KAZN: variants seen among roughly 807,000 people sequenced by gnomAD.
KAZN encodes the protein kazrin.
KAZN carries 40 observed loss-of-function variants against 87.4 expected under a neutral mutation model. The observed-to-expected ratio is 0.46, with a 90% CI of 0.36 to 0.60. KAZN has a LOEUF of 0.60. Ranked by LOEUF, KAZN falls within the 20% of genes least tolerant of loss-of-function variation. The probability of loss-of-function intolerance (pLI) is 0.00; values close to 1 mark genes in which losing one functional copy is unlikely to be tolerated. For synonymous variants in KAZN, 466 were observed against 458.3 expected (o/e 1.02, Z -0.22); for missense variants, 898 against 1,073.9 (o/e 0.84, Z 2.29).
intron 2 of KAZN, among the ~76,000 whole-genome samples, chr1:14,366,185 A>C (rs1659981140): frequency 6.6e-6 from 1 of 152,250 alleles, no homozygotes; most frequent in Non-Finnish European, 1.5e-5. Context: ...AGCAGAGAAG[A>C]TATTCATAAA....
Position 14,790,079 on chromosome 1 carries a change from C to T in KAZN, c.227-170605C>T, listed in dbSNP as rs1040542707. Among the ~76,000 whole-genome samples the T allele has an allele frequency of 6.6e-5, 10 of 151,870 alleles. No individual in the cohort carries two copies. In the South Asian group the frequency reaches 1.0e-3, roughly 16 times the overall value. Reference sequence around the variant, plus strand: ...GTGCAATGGCGCAATCTTGACTCACCGCAACCTCCGCCTCCCAGGTTCAAG... The same window carrying T: ...GTGCAATGGCGCAATCTTGACTCACTGCAACCTCCGCCTCCCAGGTTCAAG... On this transcript the variant is annotated intron_variant, in intron 1 of 14. Coordinates refer to ENST00000376030, the MANE Select transcript of KAZN (RefSeq NM_201628.3).
chr1:14,986,002 C>CAAAAA (rs56725513), intron 2 of KAZN, among the ~76,000 whole-genome samples: 6,988 of 56,552 alleles, frequency 0.12, 412 homozygotes, highest in Non-Finnish European at 0.16. Context: ...GACTCTGTCT[C>CAAAAA]AAAAAAAAAA....
At chr1:14,665,622 G>A (rs1273020366) in intron 1 of KAZN, among the ~76,000 whole-genome samples, 1 of 152,054 alleles carries the variant, frequency 6.6e-6, no homozygotes, top group Non-Finnish European at 1.5e-5. Flanking sequence ...CTGGAATCAG[G>A]GCCAGAACCT....
intron 1 of KAZN, among the ~76,000 whole-genome samples, chr1:14,620,502 G>C (rs1311563997): frequency 6.6e-6 from 1 of 152,178 alleles, no homozygotes. Context: ...AGATTCCAGG[G>C]CTCGGCCAGG....
chr1:14,221,267 A>G (rs1441907866), intron 2 of KAZN, among the ~76,000 whole-genome samples: 1 of 152,162 alleles, frequency 6.6e-6, no homozygotes, highest in Non-Finnish European at 1.5e-5. Flanking sequence ...AAAGGTAAGT[A>G]TTGAATTCTA....
chr1:14,832,086 C>T (rs1342498250), intron 1 of KAZN, among the ~76,000 whole-genome samples: 2 of 151,950 alleles, frequency 1.3e-5, no homozygotes, highest in Non-Finnish European at 2.9e-5. Context: ...ATCCCAGCTA[C>T]TTGAGAGGCT....
At chr1:14,200,024 T>C (rs1336045888) in intron 2 of KAZN, among the ~76,000 whole-genome samples, 2 of 152,110 alleles carry the variant, frequency 1.3e-5, no homozygotes, top group African/African-American at 2.4e-5. Context: ...GTATCACAGA[T>C]AAAAGTAGTT....
In KAZN at chr1:14,476,939, G is replaced by A. The variant is rs558431025; in HGVS notation, c.250-122044G>A. Among the ~76,000 whole-genome samples, 17 of 152,266 alleles carry A rather than the reference G, an allele frequency of 1.1e-4. 1 individual carries two copies. In the South Asian group the frequency reaches 3.1e-3, roughly 28 times the overall value. ...TTGCACCTCATGTTCCCTCTGCCTAGAGTGTTCTTCCTGAATACCTGTGCC... is the reference window on the plus strand; with the variant it reads ...TTGCACCTCATGTTCCCTCTGCCTAAAGTGTTCTTCCTGAATACCTGTGCC... On this transcript the variant is annotated intron_variant, in intron 2 of 16. Transcript: ENST00000636203.
At chr1:13,974,925 C>T (rs555506186) in intron 1 of KAZN, among the ~76,000 whole-genome samples, 7 of 152,258 alleles carry the variant, frequency 4.6e-5, no homozygotes, top group South Asian at 4.2e-4. Flanking sequence ...TTTTTATATC[C>T]GCCCTTTCCC....
intron 2 of KAZN, among the ~76,000 whole-genome samples, chr1:14,267,083 A>AT (rs35943771): frequency 0.24 from 33,869 of 141,920 alleles, 4,556 homozygotes; most frequent in Middle Eastern, 0.41. Flanking sequence ...ATGTTCCCAA[A>AT]TTTTTTTTTC....
intron 1 of KAZN, among the ~76,000 whole-genome samples, chr1:14,022,036 A>T (rs572563408): frequency 7.2e-6 from 1 of 138,528 alleles, no homozygotes; most frequent in East Asian, 2.1e-4. Flanking sequence ...ATAAGCACTG[A>T]TGTCAGCCGG....
intron 1 of KAZN, among the ~76,000 whole-genome samples, chr1:14,831,474 G>A (rs1413467023): frequency 6.6e-6 from 1 of 152,180 alleles, no homozygotes; most frequent in Non-Finnish European, 1.5e-5. Context: ...AAAGAAAAAT[G>A]TCGAAGTTTC....
intron 1 of KAZN, among the ~76,000 whole-genome samples, chr1:13,982,157 A>G (rs6672889): frequency 0.9 from 137,427 of 152,254 alleles, 62,305 homozygotes; most frequent in African/African-American, 0.95. Flanking sequence ...GCAGGGAAGG[A>G]CATCCTGGGC....
chr1:14,790,371 C>T (rs1378205348), intron 1 of KAZN, among the ~76,000 whole-genome samples: 1 of 152,030 alleles, frequency 6.6e-6, no homozygotes, highest in African/African-American at 2.4e-5. Flanking sequence ...GCTTTTTCCA[C>T]TTTTCTTATT....
intron 2 of KAZN, chr1:14,304,661 C>T: frequency 5.0e-6 from 2 of 398,452 alleles, no homozygotes; most frequent in Non-Finnish European, 8.9e-6. Context: ...GCTTCTGAAA[C>T]CGGTGAGCTT....
intron 1 of KAZN, among the ~76,000 whole-genome samples, chr1:14,881,688 C>T (rs1572717329): frequency 6.6e-6 from 1 of 152,268 alleles, no homozygotes; most frequent in Non-Finnish European, 1.5e-5. Context: ...GTTCTGGTGT[C>T]AAATCACCTG....
chr1:14,579,260 G>A (rs1349302528), intron 2 of KAZN, among the ~76,000 whole-genome samples: 1 of 152,164 alleles, frequency 6.6e-6, no homozygotes. Context: ...GAGATAAAAT[G>A]AGAGGAGAAA....
intron 1 of KAZN, among the ~76,000 whole-genome samples, chr1:14,134,965 ACCCG>A: frequency 1.7e-5 from 1 of 59,272 alleles, no homozygotes; most frequent in Non-Finnish European, 3.0e-5. Context: ...ATGCATATGC[ACCCG>A]CACACACACA....
chr1:14,856,320 C>T lies in KAZN; in HGVS notation c.227-104364C>T, dbSNP rs1383766514. ...TTTATGGGTACCTATGCATTCATGC[C>T]TAAGTGTGAGCTTGAACTGTACCAA... On this transcript the variant is annotated intron_variant, in intron 1 of 14. Coordinates refer to ENST00000376030, the MANE Select transcript of KAZN (RefSeq NM_201628.3). This position sits in a 1 kb window ranked among gnomAD's most constrained non-coding sequence, Gnocchi z 5.2. Among the ~76,000 whole-genome samples, 1 of 152,068 alleles carries T rather than the reference C, an allele frequency of 6.6e-6. No individual in the cohort carries two copies. Among genetic ancestry groups the T allele is most frequent in the East Asian group, 1.9e-4 (1 of 5,192 alleles).
Sources: allele counts gnomAD v4.1 joint callset (sites outside exome capture counted in the v4.1 genomes callset), GRCh38; gene constraint gnomAD v4.1.1; non-coding constraint Gnocchi (gnomAD v3.1); transcripts MANE v1.5; gene names NCBI Gene and HGNC (gene_info 2026-07-23, HGNC 2026-07-21).